Variants in NEK11 observed in about 807,000 individuals in gnomAD.
The protein encoded by NEK11 is NIMA related kinase 11, also known as serine/threonine-protein kinase Nek11.
A neutral mutation model predicts 80.7 loss-of-function variants in NEK11; 72 were observed. The ratio of observed to expected loss-of-function variants is 0.89; its 90% confidence interval spans 0.74 to 1.08. The LOEUF is 1.08. Among genes scored for constraint, NEK11 ranks in the 50% least tolerant of loss-of-function variants. NEK11 has a pLI of 0.00. For missense variants in NEK11, 764 were observed against 763.6 expected (o/e 1.00, Z -0.01); for synonymous variants, 251 against 260.7 (o/e 0.96, Z 0.36).
chr3:131,289,964 C>T (rs1179142100), intron 17 of NEK11, among the ~76,000 whole-genome samples: 1 of 152,198 alleles, frequency 6.6e-6, no homozygotes, highest in African/African-American at 2.4e-5. Flanking sequence ...ATTATCTCTG[C>T]AAGTCAAAGT....
chr3:131,335,654 A>G (rs2097169586), intron 17 of NEK11, among the ~76,000 whole-genome samples: 1 of 152,274 alleles, frequency 6.6e-6, no homozygotes, highest in Admixed American at 6.5e-5. Context: ...AGGGTATTCA[A>G]TTAGGAAAAG....
At chr3:131,219,431 A>G (rs1320437238) in intron 14 of NEK11, among the ~76,000 whole-genome samples, 2 of 152,120 alleles carry the variant, frequency 1.3e-5, no homozygotes, top group African/African-American at 2.4e-5. Flanking sequence ...ATTAGGAGAA[A>G]TACCTAATGT....
chr3:131,069,977 TA>T (rs201897456), intron 3 of NEK11, among the ~76,000 whole-genome samples: 19,856 of 148,974 alleles, frequency 0.13, 1,598 homozygotes, highest in South Asian at 0.18. Flanking sequence ...TAAAGTATAA[TA>T]AAAAAAAAAT....
chr3:131,301,410 G>T (rs1227267357), intron 17 of NEK11, among the ~76,000 whole-genome samples: 2 of 150,990 alleles, frequency 1.3e-5, no homozygotes, highest in Admixed American at 1.3e-4. Flanking sequence ...ACAGTACTTT[G>T]TTGAATAGAA....
intron 17 of NEK11, among the ~76,000 whole-genome samples, chr3:131,300,151 T>A (rs1213160614): frequency 2.0e-5 from 3 of 152,192 alleles, no homozygotes; most frequent in African/African-American, 7.2e-5. Context: ...ATATTTCATA[T>A]GTTTGTTGGC....
intron 3 of NEK11, among the ~76,000 whole-genome samples, chr3:131,035,541 C>T (rs1209036290): frequency 6.6e-6 from 1 of 152,182 alleles, no homozygotes; most frequent in Non-Finnish European, 1.5e-5. Context: ...AGCCACCACC[C>T]TGGGGTCCAG....
At chr3:131,066,085 T>C (rs2071884946) in intron 3 of NEK11, among the ~76,000 whole-genome samples, 1 of 152,176 alleles carries the variant, frequency 6.6e-6, no homozygotes, top group Non-Finnish European at 1.5e-5. Flanking sequence ...GTTAACATGG[T>C]TTTATCAGAT....
chr3:131,300,343 G>A (rs2096647260), intron 17 of NEK11, among the ~76,000 whole-genome samples: 1 of 152,116 alleles, frequency 6.6e-6, no homozygotes, highest in Non-Finnish European at 1.5e-5. Flanking sequence ...TGTTTACTCT[G>A]TTGACATTTT....
rs578142828 is a variant in NEK11 at position 131,163,320 on chromosome 3, G to A, written c.1082+793G>A. On this transcript the variant is annotated intron_variant, in intron 11 of 17. Transcript: ENST00000383366. Reference sequence around the variant, plus strand: ...CATTGCAGAATTATTCACAGTAGCCGAGATATGGACTCAACCTACGTATCC... The same window carrying A: ...CATTGCAGAATTATTCACAGTAGCCAAGATATGGACTCAACCTACGTATCC... Among the ~76,000 whole-genome samples, 9 of 152,076 alleles carry A rather than the reference G, an allele frequency of 5.9e-5. 1 individual carries two copies. The highest frequency in any genetic ancestry group is 6.5e-5 in the Admixed American group (1 of 15,272).
intron 3 of NEK11, among the ~76,000 whole-genome samples, chr3:131,062,178 G>A (rs2071004006): frequency 6.6e-6 from 1 of 152,204 alleles, no homozygotes; most frequent in South Asian, 2.1e-4. Context: ...ACGATTTAGG[G>A]TGACAGAACA....
intron 16 of NEK11, among the ~76,000 whole-genome samples, chr3:131,253,720 G>A (rs1332213285): frequency 2.6e-5 from 4 of 152,122 alleles, no homozygotes; most frequent in Non-Finnish European, 2.9e-5. Context: ...AATGTGTGTT[G>A]GGTGTGTACT....
chr3:131,281,742 A>G (rs1372729419), intron 17 of NEK11, among the ~76,000 whole-genome samples: 3 of 152,244 alleles, frequency 2.0e-5, no homozygotes, highest in African/African-American at 7.2e-5. Context: ...CCCACAAAGT[A>G]CGTTATCAAA....
chr3:131,162,914 T>A (rs1171310471), intron 11 of NEK11, among the ~76,000 whole-genome samples: 1 of 152,152 alleles, frequency 6.6e-6, no homozygotes, highest in Non-Finnish European at 1.5e-5. Flanking sequence ...CCTCACTTAT[T>A]TATAGGAAGG....
At chr3:131,186,661 A>T (rs946343230) in intron 14 of NEK11, among the ~76,000 whole-genome samples, 3 of 152,276 alleles carry the variant, frequency 2.0e-5, no homozygotes, top group Non-Finnish European at 2.9e-5. Context: ...TAAGTACATT[A>T]TGAGTGTAAA....
intron 14 of NEK11, among the ~76,000 whole-genome samples, chr3:131,225,281 A>ATTGCATGTTTATGTGGTATT (rs2095158569): frequency 2.0e-5 from 3 of 152,244 alleles, no homozygotes; most frequent in African/African-American, 7.2e-5. Context: ...ACAGGGTTGT[A>ATTGCATGTTTATGTGGTATT]GCCTAGGAGC....
At chr3:131,112,350 A>C (rs1270886610) in intron 5 of NEK11, among the ~76,000 whole-genome samples, 1 of 152,124 alleles carries the variant, frequency 6.6e-6, no homozygotes, top group East Asian at 1.9e-4. Context: ...GCATGACTAC[A>C]TTTATATGAA....
chr3:131,236,259 G>A (rs1276308547), intron 15 of NEK11, among the ~76,000 whole-genome samples: 1 of 152,162 alleles, frequency 6.6e-6, no homozygotes, highest in Non-Finnish European at 1.5e-5. Context: ...CTTTCACTGT[G>A]CTGGAATTCT....
At chr3:131,314,130 A>T (rs1479231751) in intron 17 of NEK11, among the ~76,000 whole-genome samples, 1 of 149,224 alleles carries the variant, frequency 6.7e-6, no homozygotes, top group African/African-American at 2.5e-5. Flanking sequence ...GGAGAAAAAG[A>T]GTGTGTGTGT....
At chr3:131,285,809 C>T (rs1319522829) in intron 17 of NEK11, among the ~76,000 whole-genome samples, 1 of 152,184 alleles carries the variant, frequency 6.6e-6, no homozygotes, top group Non-Finnish European at 1.5e-5. Context: ...ATGCTTAACA[C>T]ATTTGTACCC....
Sources: gnomAD v4.1 joint callset for allele counts (sites outside exome capture counted in the v4.1 genomes callset) on GRCh38, gnomAD v4.1.1 for gene constraint, MANE v1.5 for transcripts, NCBI Gene and HGNC (gene_info 2026-07-23, HGNC 2026-07-21) for gene names.